Variants in PRKG1 observed in about 807,000 individuals in gnomAD.
PRKG1 encodes protein kinase cGMP-dependent 1.
A neutral mutation model predicts 88.1 loss-of-function variants in PRKG1; 35 were observed. The ratio of observed to expected loss-of-function variants is 0.40; its 90% CI spans 0.30 to 0.53. The LOEUF (loss-of-function observed/expected upper bound fraction) is 0.53. Among genes scored for constraint, PRKG1 ranks in the 20% least tolerant of loss-of-function variants. The pLI, the probability that PRKG1 is intolerant of heterozygous loss-of-function variation, is 0.59. For synonymous variants in PRKG1, 303 were observed against 292.5 expected (o/e 1.04, Z -0.37); for missense variants, 540 against 839.8 (o/e 0.64, Z 4.41).
chr10:52,035,460 G>GTATAA (rs1845583201), intron 5 of PRKG1, among the ~76,000 whole-genome samples: 2 of 152,154 alleles, frequency 1.3e-5, no homozygotes, highest in South Asian at 4.1e-4. Context: ...TTGTACTATA[G>GTATAA]CATAACCTGC....
chr10:52,118,165 T>G (rs958333257), intron 7 of PRKG1, among the ~76,000 whole-genome samples: 1 of 152,102 alleles, frequency 6.6e-6, no homozygotes, highest in African/African-American at 2.4e-5. Flanking sequence ...TGGCATTATT[T>G]TCACATGCTT....
At chr10:51,827,961 A>C (rs985289712) in intron 4 of PRKG1, among the ~76,000 whole-genome samples, 2 of 152,176 alleles carry the variant, frequency 1.3e-5, no homozygotes, top group Non-Finnish European at 2.9e-5. Flanking sequence ...AGAACTTTTA[A>C]AATGATGGTA....
At chr10:51,552,508 T>A (rs1837163997) in intron 3 of PRKG1, among the ~76,000 whole-genome samples, 1 of 151,674 alleles carries the variant, frequency 6.6e-6, no homozygotes, top group African/African-American at 2.4e-5. Flanking sequence ...CTCAATGTCA[T>A]TCAATCCAGA....
At position 51,523,321 on chromosome 10, in the gene PRKG1, C is replaced by T. The variant is rs980309219; in HGVS notation, c.592+55485C>T. On this transcript the variant is annotated intron_variant, in intron 3 of 17. Transcript: ENST00000373980. The stretch of plus-strand genomic sequence containing the variant: ...GTCCATGAGAACGGTAATAAGATGG[C>T]TGTGTCCATGATTTTTGCAGTTCAG... Among the ~76,000 whole-genome samples, 10 of 152,142 alleles carry T rather than the reference C, an allele frequency of 6.6e-5. No homozygotes were observed. In the East Asian group the frequency reaches 1.9e-3, roughly 29 times the overall value.
At chr10:51,632,333 G>A (rs995913275) in intron 3 of PRKG1, among the ~76,000 whole-genome samples, 3 of 152,150 alleles carry the variant, frequency 2.0e-5, no homozygotes, top group African/African-American at 7.2e-5. Flanking sequence ...CGGGAAAAAT[G>A]CTGTCATTCA....
intron 2 of PRKG1, among the ~76,000 whole-genome samples, chr10:51,340,009 A>T (rs577242495): frequency 6.6e-6 from 1 of 152,224 alleles, no homozygotes; most frequent in African/African-American, 2.4e-5. Flanking sequence ...CAGTAGTATG[A>T]TGAACTGCTT....
chr10:51,103,075 A>G (rs1291915748), intron 1 of PRKG1, among the ~76,000 whole-genome samples: 1 of 152,178 alleles, frequency 6.6e-6, no homozygotes, highest in African/African-American at 2.4e-5. Flanking sequence ...AAACTCAATT[A>G]AGATATGGAA....
chr10:51,470,387 CA>C (rs1388908227), intron 3 of PRKG1, among the ~76,000 whole-genome samples: 1 of 151,758 alleles, frequency 6.6e-6, no homozygotes, highest in African/African-American at 2.4e-5. Flanking sequence ...TTTTTCTACA[CA>C]ATAGCTGACC....
intron 2 of PRKG1, among the ~76,000 whole-genome samples, chr10:51,248,106 T>C (rs1477801014): frequency 6.6e-6 from 1 of 151,902 alleles, no homozygotes; most frequent in Non-Finnish European, 1.5e-5. Context: ...ACTGAATTTA[T>C]CTGTGGCTGT....
At chr10:52,143,974 G>T (rs1837654807) in intron 8 of PRKG1, among the ~76,000 whole-genome samples, 1 of 152,304 alleles carries the variant, frequency 6.6e-6, no homozygotes, top group Admixed American at 6.5e-5. Flanking sequence ...ATCAGCATGA[G>T]AAACTGCATT....
intron 3 of PRKG1, among the ~76,000 whole-genome samples, chr10:51,550,846 T>C (rs1286827651): frequency 6.6e-6 from 1 of 151,972 alleles, no homozygotes; most frequent in African/African-American, 2.4e-5. Flanking sequence ...CCAAGTAATC[T>C]GACATTGGTT....
intron 3 of PRKG1, among the ~76,000 whole-genome samples, chr10:51,621,722 C>T (rs1056044677): frequency 6.6e-6 from 1 of 152,104 alleles, no homozygotes; most frequent in Non-Finnish European, 1.5e-5. Context: ...CTAGAATATT[C>T]TCAATTTAAC....
chr10:51,677,747 A>G (rs1000094699), intron 3 of PRKG1, among the ~76,000 whole-genome samples: 1 of 152,228 alleles, frequency 6.6e-6, no homozygotes, highest in Non-Finnish European at 1.5e-5. Flanking sequence ...ATTTGTGCTC[A>G]GAGAGGCACT....
At chr10:51,981,296 T>C (rs996041953) in intron 5 of PRKG1, among the ~76,000 whole-genome samples, 6 of 152,086 alleles carry the variant, frequency 3.9e-5, no homozygotes, top group Non-Finnish European at 7.4e-5. Flanking sequence ...TCTTTAAGAA[T>C]GTCAAATGGC....
At chr10:51,781,548 GT>G (rs775187810) in intron 3 of PRKG1, among the ~76,000 whole-genome samples, 4 of 152,110 alleles carry the variant, frequency 2.6e-5, no homozygotes, top group Non-Finnish European at 5.9e-5. Context: ...AACAGCAATG[GT>G]TTGGGTCTCT....
chr10:52,251,882 T>A (rs1841181450), intron 10 of PRKG1: 1 of 447,818 alleles, frequency 2.2e-6, no homozygotes, highest in Non-Finnish European at 4.0e-6. Flanking sequence ...AATAACACCT[T>A]GCTTTTTAGA....
At chr10:51,769,647 A>G (rs1161493326) in intron 3 of PRKG1, among the ~76,000 whole-genome samples, 1 of 152,204 alleles carries the variant, frequency 6.6e-6, no homozygotes, top group Non-Finnish European at 1.5e-5. Flanking sequence ...TCTACTTTAG[A>G]TAATATTTAT....
At chr10:51,621,454 T>C (rs1304382940) in intron 3 of PRKG1, among the ~76,000 whole-genome samples, 3 of 152,128 alleles carry the variant, frequency 2.0e-5, no homozygotes, top group Admixed American at 6.5e-5. Flanking sequence ...TGTCTCAAGA[T>C]GGCATTTGAA....
At position 51,835,673 on chromosome 10, in the gene PRKG1, G is replaced by A. The variant is rs116434416; in HGVS notation, c.698+30983G>A. ...CTTGTTTCCATATCTTGGTTATTGC[G>A]AATAATGCTGCAATGAACATGGGAG... is the stretch of plus-strand genomic sequence containing the variant. On this transcript the variant is annotated intron_variant, in intron 4 of 17. Transcript: ENST00000373980. Among the ~76,000 whole-genome samples, 469 of 152,118 alleles carry A rather than the reference G, an allele frequency of 3.1e-3. 2 individuals carry two copies. Among genetic ancestry groups the A allele is most frequent in the African/African-American group, 0.011 (449 of 41,490 alleles).
Sources: allele counts gnomAD v4.1 joint callset (sites outside exome capture counted in the v4.1 genomes callset), GRCh38; gene constraint gnomAD v4.1.1; transcripts MANE v1.5; gene names NCBI Gene and HGNC (gene_info 2026-07-23, HGNC 2026-07-21).